The following CNKSR2 variants were observed in gnomAD, a reference collection of about 807,000 sequenced individuals.
The protein encoded by CNKSR2 is connector enhancer of kinase suppressor of Ras 2, also known as CNK homolog protein 2.
CNKSR2 carries 14 observed loss-of-function variants against 84.4 expected under a neutral mutation model. The ratio of observed to expected loss-of-function variants is 0.17; its 90% confidence interval spans 0.11 to 0.26. CNKSR2 has a LOEUF of 0.26. Ranked by LOEUF, CNKSR2 falls within the 10% of genes least tolerant of loss-of-function variation. CNKSR2 has a pLI of 1.00. For synonymous variants in CNKSR2, 275 were observed against 277.9 expected, an observed-to-expected ratio of 0.99 and a Z score of 0.10; for missense variants, 485 against 771.2, an observed-to-expected ratio of 0.63 and a Z score of 4.40.
At chrX:21,545,172 T>C (rs1306909535) in intron 11 of CNKSR2, among the ~76,000 whole-genome samples, 2 of 111,762 alleles carry the variant, frequency 1.8e-5, no homozygotes. Flanking sequence ...CAGTCTGAAG[T>C]GGACCTGGGA....
chrX:21,419,912 C>T (rs189160612), intron 1 of CNKSR2, among the ~76,000 whole-genome samples: 76 of 112,253 alleles, frequency 6.8e-4, no homozygotes, highest in African/African-American at 1.1e-3. Context: ...TGCTTATGTT[C>T]TCTCAAGACC....
rs1324417578 is a variant in CNKSR2, at chrX:21,654,289, AAAAAAC to A, written c.*1774_*1779del. 1.9e-5 allele frequency: 2 copies of A among 106,343 alleles called. No individual in the cohort carries two copies. The highest frequency in any genetic ancestry group is 1.0e-4 in the Admixed American group (1 of 9,914). 8.8% of individuals were successfully genotyped at this position (106,343 alleles called of 1,213,427 possible). On this transcript the variant is annotated 3_prime_UTR_variant, in exon 22 of 22. Transcript: ENST00000379510. ...TGTATATGTAAAAAAAAAAAAAAAAAAAAAACAAAAAACCTCTTGTCCTAAAATGAA... is the reference window on the plus strand; with the variant it reads ...TGTATATGTAAAAAAAAAAAAAAAAAAAAAAACCTCTTGTCCTAAAATGAA...
intron 4 of CNKSR2, among the ~76,000 whole-genome samples, chrX:21,443,448 T>C (rs753589220): frequency 9.0e-6 from 1 of 111,498 alleles, no homozygotes; most frequent in African/African-American, 3.3e-5. Context: ...AAATTCCTCT[T>C]AAAACTCAAG....
intron 21 of CNKSR2, among the ~76,000 whole-genome samples, chrX:21,650,997 G>A (rs2092719629): frequency 9.0e-6 from 1 of 111,661 alleles, no homozygotes. Context: ...GGTTTAGAAG[G>A]CAGGCAGGCA....
chrX:21,582,891 T>C (rs994733292), intron 13 of CNKSR2, among the ~76,000 whole-genome samples: 3 of 111,595 alleles, frequency 2.7e-5, no homozygotes, highest in Non-Finnish European at 5.7e-5. Flanking sequence ...TATGGGATCC[T>C]GCATGAGAGT....
intron 13 of CNKSR2, among the ~76,000 whole-genome samples, chrX:21,585,178 G>T (rs2092378438): frequency 9.2e-6 from 1 of 108,491 alleles, no homozygotes; most frequent in South Asian, 4.0e-4. Context: ...AGGAGGCAGA[G>T]GTTGCAGTGA....
Position 21,374,594 on chromosome X carries a change from G to GGCAGCA in CNKSR2, c.-271_-266dup, listed in dbSNP as rs3217648. 3,033 of 455,439 alleles carry GGCAGCA rather than the reference G, an allele frequency of 6.7e-3. 49 individuals carry two copies. The highest frequency in any genetic ancestry group is 0.019 in the African/African-American group (739 of 38,406). 37.5% of individuals were successfully genotyped at this position (455,439 alleles called of 1,213,427 possible). On this transcript the variant is annotated 5_prime_UTR_variant, in exon 1 of 22. Transcript: ENST00000379510. ...ACGGAGACCGGAGCGGAGCGGCGGA[G>GGCAGCA]GCAGCAGCAGCAGCAGCAGCAGCAG...
At chrX:21,645,831 A>G (rs1159972666) in intron 20 of CNKSR2, 1 of 111,902 alleles carries the variant, frequency 8.9e-6, no homozygotes, top group Non-Finnish European at 1.9e-5. Flanking sequence ...AGTAGCCCCA[A>G]TTGACTTAAT....
chrX:21,524,122 A>G (rs1372162668), intron 9 of CNKSR2, among the ~76,000 whole-genome samples: 1 of 110,642 alleles, frequency 9.0e-6, no homozygotes, highest in East Asian at 2.8e-4. Flanking sequence ...CAGTTAGTAG[A>G]GAGAAATATG....
intron 5 of CNKSR2, among the ~76,000 whole-genome samples, chrX:21,472,305 A>G (rs2091207981): frequency 8.9e-6 from 1 of 111,924 alleles, no homozygotes; most frequent in African/African-American, 3.3e-5. Flanking sequence ...CGACTTTGGT[A>G]TGCTGCTGTG....
At chrX:21,591,852 T>C (rs969921923) in intron 15 of CNKSR2, 2 of 111,754 alleles carry the variant, frequency 1.8e-5, no homozygotes, top group African/African-American at 6.5e-5. Context: ...TGATATTCCC[T>C]TTATTCTGCA....
chrX:21,437,427 T>G (rs1034305562), intron 3 of CNKSR2, among the ~76,000 whole-genome samples: 2 of 102,909 alleles, frequency 1.9e-5, no homozygotes, highest in African/African-American at 7.1e-5. Context: ...TAGTTTTTTT[T>G]TTTTTTTTTT....
chrX:21,470,994 A>G (rs937359112), intron 5 of CNKSR2, 187 bp downstream of exon 5: 1 of 203,461 alleles, frequency 4.9e-6, no homozygotes, highest in African/African-American at 2.9e-5. Context: ...ACCTAATAGG[A>G]GAAAAAAGGT....
intron 4 of CNKSR2, among the ~76,000 whole-genome samples, chrX:21,455,405 GTCT>G (rs1229569964): frequency 3.6e-5 from 4 of 111,688 alleles, no homozygotes; most frequent in Non-Finnish European, 7.5e-5. Context: ...CTTCTACAGA[GTCT>G]TCTTTCTATG....
intron 4 of CNKSR2, among the ~76,000 whole-genome samples, chrX:21,461,412 C>T (rs1443632912): frequency 9.0e-6 from 1 of 111,567 alleles, no homozygotes; most frequent in Non-Finnish European, 1.9e-5. Context: ...ATTGTTTGAG[C>T]TCCTTACAGA....
At chrX:21,542,066 A>T (rs751371150) in intron 11 of CNKSR2, among the ~76,000 whole-genome samples, 1 of 112,436 alleles carries the variant, frequency 8.9e-6, no homozygotes, top group Non-Finnish European at 1.9e-5. Flanking sequence ...ATTTACATAG[A>T]TATGAACCTG....
intron 13 of CNKSR2, among the ~76,000 whole-genome samples, chrX:21,575,910 A>C (rs1390587089): frequency 8.9e-6 from 1 of 112,355 alleles, no homozygotes; most frequent in Non-Finnish European, 1.9e-5. Flanking sequence ...TTAAACATGT[A>C]TGCACCAAAT....
At chrX:21,401,553 G>C (rs950728033) in intron 1 of CNKSR2, among the ~76,000 whole-genome samples, 1 of 111,587 alleles carries the variant, frequency 9.0e-6, no homozygotes, top group Non-Finnish European at 1.9e-5. Context: ...GTGAGAGTAG[G>C]TATGTGTATA....
At chrX:21,516,662 A>G in intron 9 of CNKSR2, 31 bp downstream of exon 9, 1 of 1,161,376 alleles carries the variant, frequency 8.6e-7, no homozygotes, top group Non-Finnish European at 1.2e-6. Context: ...GTCATACACC[A>G]TCATTTTAGC....
Sources: gnomAD v4.1 joint callset for allele counts (sites outside exome capture counted in the v4.1 genomes callset) on GRCh38, gnomAD v4.1.1 for gene constraint, MANE v1.5 for transcripts, NCBI Gene and HGNC (gene_info 2026-07-23, HGNC 2026-07-21) for gene names.